The following CSF2RA variants were observed in gnomAD, a reference collection of about 807,000 sequenced individuals.
CSF2RA encodes colony stimulating factor 2 receptor subunit alpha.
CSF2RA carries 42 observed loss-of-function variants against 51.6 expected under a neutral mutation model. That is an observed-to-expected ratio of 0.81 (90% CI 0.64 to 1.05). The LOEUF is 1.05. Among genes scored for constraint, CSF2RA ranks in the 50% least tolerant of loss-of-function variants. CSF2RA has a pLI of 0.00. For synonymous variants in CSF2RA, 222 were observed against 193.0 expected (o/e 1.15, Z -1.24); for missense variants, 530 against 501.1 (o/e 1.06, Z -0.55).
downstream of CSF2RA, among the ~76,000 whole-genome samples, chrX:1,313,861 C>G (rs1429519971): frequency 6.6e-6 from 1 of 151,484 alleles, no homozygotes; most frequent in Non-Finnish European, 1.5e-5. Flanking sequence ...GTGGTGGCAC[C>G]TGTAATTGCA....
intron 2 of CSF2RA, among the ~76,000 whole-genome samples, chrX:1,278,940 G>A (rs1163714649): frequency 7.3e-5 from 11 of 150,758 alleles, no homozygotes; most frequent in Non-Finnish European, 1.5e-4. Context: ...CGGAGGCTGA[G>A]GCAGTAGAAT....
intron 7 of CSF2RA, among the ~76,000 whole-genome samples, chrX:1,291,828 G>A: frequency 6.7e-6 from 1 of 149,830 alleles, no homozygotes; most frequent in Non-Finnish European, 1.5e-5. Context: ...GTGTAGACAG[G>A]AGGAGACTGC....
chrX:1,296,062 C>A (rs1180441328), intron 9 of CSF2RA, among the ~76,000 whole-genome samples: 1 of 150,966 alleles, frequency 6.6e-6, no homozygotes, highest in African/African-American at 2.4e-5. Context: ...ACCATACAGT[C>A]CCCTACCCAT....
downstream of CSF2RA, among the ~76,000 whole-genome samples, chrX:1,313,260 T>C (rs147020848): frequency 0.026 from 3,828 of 149,240 alleles, 77 homozygotes; most frequent in East Asian, 0.087. Flanking sequence ...TCGTCTCTAC[T>C]ACAAATACAA....
At chrX:1,282,328 A>C in intron 2 of CSF2RA, 1 of 306,606 alleles carries the variant, frequency 3.3e-6, no homozygotes, top group East Asian at 5.5e-5. Context: ...AAAGCTATGA[A>C]AAATGAATGA....
At chrX:1,307,130 T>TTGCA (rs1203659199) in intron 12 of CSF2RA, among the ~76,000 whole-genome samples, 27 of 152,232 alleles carry the variant, frequency 1.8e-4, no homozygotes, top group Admixed American at 1.7e-3. Flanking sequence ...GCGTCTTATG[T>TTGCA]TGCAGTAGGC....
downstream of CSF2RA, among the ~76,000 whole-genome samples, chrX:1,315,144 C>T (rs767909957): frequency 1.3e-5 from 2 of 152,208 alleles, no homozygotes; most frequent in South Asian, 4.2e-4. Flanking sequence ...CATCGGTCAC[C>T]TGCGTGAGAT....
At chrX:1,282,816 C>T (rs2148244973) in intron 3 of CSF2RA, 37 bp downstream of exon 3, 1 of 1,562,278 alleles carries the variant, frequency 6.4e-7, no homozygotes, top group Non-Finnish European at 8.8e-7. Context: ...TCTCCGCGGC[C>T]CCTGTTTAGA....
the CSF2RA span, among the ~76,000 whole-genome samples, chrX:1,318,451 C>G: frequency 1.3e-5 from 2 of 151,720 alleles, no homozygotes; most frequent in Admixed American, 1.3e-4. Context: ...GCGTGAGCCA[C>G]TGCGCCAGGC....
At chrX:1,272,670 T>C (rs1272791570) in intron 1 of CSF2RA, among the ~76,000 whole-genome samples, 7 of 151,308 alleles carry the variant, frequency 4.6e-5, no homozygotes, top group Admixed American at 4.0e-4. Context: ...TTTGTATTTT[T>C]AGTAGAGACG....
At chrX:1,321,423 C>T in the CSF2RA span, among the ~76,000 whole-genome samples, 2 of 151,886 alleles carry the variant, frequency 1.3e-5, no homozygotes, top group Non-Finnish European at 1.5e-5. Context: ...GAGCCGAGAT[C>T]GTGCCACTGC....
Position 1,286,494 on chromosome X carries a change from G to T in CSF2RA, c.219+574G>T, listed in dbSNP as rs191378564. Among the ~76,000 whole-genome samples the T allele has an allele frequency of 7.2e-3, 1,100 of 151,794 alleles. 17 individuals carry two copies. Among genetic ancestry groups the T allele is most frequent in the African/African-American group, 0.025 (1,030 of 41,360 alleles). On this transcript the variant is annotated intron_variant, in intron 4 of 12. Coordinates refer to ENST00000381529, the MANE Select transcript of CSF2RA (RefSeq NM_172245.4). ...TGAGGCAGGAGAATTACTGAAACTCGGGAGGCGGAGGTTGCGGTGAGCCGA... is the reference window on the plus strand; with the variant it reads ...TGAGGCAGGAGAATTACTGAAACTCTGGAGGCGGAGGTTGCGGTGAGCCGA...
Position 1,291,281 on chromosome X carries a change from TCTTC to T in CSF2RA, c.646+790_646+793del, listed in dbSNP as rs1218092149. Among the ~76,000 whole-genome samples the T allele has an allele frequency of 9.0e-3, 532 of 59,418 alleles. 3 individuals are homozygous for T. Among genetic ancestry groups the T allele is most frequent in the African/African-American group, 0.029 (490 of 17,072 alleles). The allele number at this position is 59,418 out of a possible 152,430, so 39.0% of individuals were successfully genotyped here. A position where few individuals can be genotyped will look rare whatever the true frequency, so the allele number is the denominator to read the frequency against. On this transcript the variant is annotated intron_variant, in intron 7 of 12. Coordinates refer to ENST00000381529, the MANE Select transcript of CSF2RA (RefSeq NM_172245.4). ...CTGCCTTTCTGCCTTTCTTCTTTTT[TCTTC>T]CTTCCTTCCTTCCTTCCCTCCCTCC...
chrX:1,306,784 A>G (rs1240917520), intron 12 of CSF2RA, among the ~76,000 whole-genome samples: 2 of 151,450 alleles, frequency 1.3e-5, no homozygotes, highest in African/African-American at 4.9e-5. Context: ...GAGAGGGAGA[A>G]GGAGACATAG....
intron 2 of CSF2RA, among the ~76,000 whole-genome samples, chrX:1,279,440 C>T (rs1243190393): frequency 4.3e-4 from 65 of 152,082 alleles, no homozygotes; most frequent in African/African-American, 1.2e-3. Flanking sequence ...GCAGAGGGGG[C>T]CAGTCTCAAG....
intron 1 of CSF2RA, among the ~76,000 whole-genome samples, chrX:1,273,706 G>A (rs2088759113): frequency 6.7e-6 from 1 of 149,678 alleles, no homozygotes; most frequent in Admixed American, 6.8e-5. Flanking sequence ...TCAGTCTCCC[G>A]AGTAGCTGGG....
chrX:1,287,877 C>A (rs1342156502), intron 4 of CSF2RA, among the ~76,000 whole-genome samples: 1 of 138,378 alleles, frequency 7.2e-6, no homozygotes, highest in African/African-American at 2.7e-5. Flanking sequence ...GCAGGGATTA[C>A]AGGTGCCTGC....
chrX:1,289,498 GT>G, intron 6 of CSF2RA, among the ~76,000 whole-genome samples: 1 of 151,922 alleles, frequency 6.6e-6, no homozygotes, highest in Non-Finnish European at 1.5e-5. Context: ...TTTGCCTTGT[GT>G]TTTTGTGTTC....
the CSF2RA span, among the ~76,000 whole-genome samples, chrX:1,323,406 C>G: frequency 6.6e-6 from 1 of 151,960 alleles, no homozygotes; most frequent in African/African-American, 2.4e-5. Context: ...AGTTACTAGT[C>G]GGGACTGGCA....
Sources: allele counts gnomAD v4.1 joint callset (sites outside exome capture counted in the v4.1 genomes callset), GRCh38; gene constraint gnomAD v4.1.1; transcripts MANE v1.5; gene names NCBI Gene and HGNC (gene_info 2026-07-23, HGNC 2026-07-21).